Variants in ITGAX observed in about 807,000 individuals in gnomAD.
ITGAX encodes the protein integrin subunit alpha X.
In ITGAX, 99 loss-of-function variants were observed where a neutral mutation model predicts 140.2. That is an observed-to-expected ratio of 0.71 (90% CI 0.60 to 0.83). ITGAX has a LOEUF of 0.83. Among genes scored for constraint, ITGAX ranks in the 40% least tolerant of loss-of-function variants. The probability of loss-of-function intolerance (pLI) is 0.00; values close to 1 mark genes in which losing one functional copy is unlikely to be tolerated. For synonymous variants in ITGAX, 631 were observed against 600.4 expected (o/e 1.05, Z -0.75); for missense variants, 1,444 against 1,482.0 (o/e 0.97, Z 0.42).
At chr16:31,380,159 C>G in intron 26 of ITGAX, 94 bp downstream of exon 26, 3 of 1,521,232 alleles carry the variant, frequency 2.0e-6, no homozygotes, top group Non-Finnish European at 2.7e-6. Flanking sequence ...TGCTGAAGTA[C>G]CCTCTTGCAT....
In ITGAX at chr16:31,371,192, C is replaced by T. The variant is rs201655601; in HGVS notation, c.1819C>T (p.Arg607Trp). The change falls in exon 15 of 30, where the codon CGG (arginine) becomes TGG (tryptophan). Residue 607 changes from arginine (R) to tryptophan (W), a missense_variant. By Grantham distance (101) the Arg-to-Trp change is moderately radical (BLOSUM62 -3). Coordinates refer to ENST00000268296, the MANE Select transcript of ITGAX (RefSeq NM_000887.5). Reference sequence around the variant, plus strand: ...ACTGGTGGACCTGGCTGTGGGGGCCCGGGGCCAGGTGCTCCTGCTCAGGTG... The same window carrying T: ...ACTGGTGGACCTGGCTGTGGGGGCCTGGGGCCAGGTGCTCCTGCTCAGGTG... The part of the protein sequence containing the change: ...DGLVDLAVGA[R>W]GQVLLLRTRP... 1.6e-4 allele frequency: 265 copies of T among 1,610,212 alleles called. No individual in the cohort carries two copies. Among genetic ancestry groups the T allele is most frequent in the Non-Finnish European group, 1.8e-4 (215 of 1,178,300 alleles).
chr16:31,381,718 A>C, intron 29 of ITGAX, 85 bp from the exon 30 acceptor site: 1 of 802,920 alleles, frequency 1.2e-6, no homozygotes, highest in Non-Finnish European at 2.2e-6. Context: ...GATTTCAGAA[A>C]TAGTGACCCC....
chr16:31,363,054 T>C lies in ITGAX; in HGVS notation c.1479T>C (p.Ser493=), dbSNP rs2080852222. The C allele has an allele frequency of 6.3e-7, 1 of 1,578,318 alleles. No individual in the cohort carries two copies. The highest frequency in any genetic ancestry group is 8.6e-7 in the Non-Finnish European group (1 of 1,161,388). Residue 493 remains serine (S), a synonymous_variant, in exon 13 of 30, where the codon TCT becomes TCC. Coordinates refer to ENST00000268296, the MANE Select transcript of ITGAX (RefSeq NM_000887.5). ...AGCAGACCCGAGGGGGCCAGGTGTC[T>C]GTGTGTCCCTTGCCCAGGGGGGTGA... ...YYEQTRGGQV[S]VCPLPRGWRR...
Position 31,371,646 on chromosome 16 carries a change from T to C in ITGAX, c.2022T>C (p.Ser674=), listed in dbSNP as rs762928204. The change falls in exon 17 of 30, where the codon TCT becomes TCC. Residue 674 remains serine, a synonymous_variant. Coordinates refer to ENST00000268296, the MANE Select transcript of ITGAX (RefSeq NM_000887.5). ...CGCCTACAGGTGACCTCCAAAGCTC[T>C]GTGACCTTGGACCTGGCCCTCGACC... is the stretch of plus-strand genomic sequence containing the variant. ...NLLGSRDLQS[S]VTLDLALDPG... The C allele has an allele frequency of 6.2e-7, 1 of 1,614,146 alleles. No individual in the cohort carries two copies. The highest frequency in any genetic ancestry group is 2.2e-5 in the East Asian group (1 of 44,866).
Position 31,378,558 on chromosome 16 carries a change from C to T in ITGAX, c.2790-1010C>T, listed in dbSNP as rs1156545522. ...CACAGCTCACAGCAGCCTTGAACTC[C>T]TCTTGGGCTCAAGCGAGCCTCCCAC... On this transcript the variant is annotated intron_variant, in intron 23 of 29. Transcript: ENST00000268296. 2.6e-5 allele frequency among the ~76,000 whole-genome samples: 4 copies of T among 151,948 alleles called. No individual in the cohort carries two copies. In the South Asian group the frequency reaches 6.2e-4, roughly 24 times the overall value.
chr16:31,372,692 C>G, intron 19 of ITGAX, 22 bp downstream of exon 19: 2 of 1,602,814 alleles, frequency 1.2e-6, no homozygotes, highest in Non-Finnish European at 1.7e-6. Flanking sequence ...CACCTTAGAC[C>G]TGCCCTACTG....
intron 20 of ITGAX, among the ~76,000 whole-genome samples, chr16:31,374,994 T>C (rs1379475057): frequency 6.6e-6 from 1 of 152,168 alleles, no homozygotes; most frequent in Non-Finnish European, 1.5e-5. Context: ...TCCTTTCTTC[T>C]TTCTTTTTCT....
chr16:31,356,049 C>T (rs1253563492), intron 2 of ITGAX, 51 bp downstream of exon 2: 14 of 1,357,172 alleles, frequency 1.0e-5, no homozygotes, highest in Non-Finnish European at 1.5e-5. Flanking sequence ...TCTCCCTGCT[C>T]AGGGCCCCAT....
Position 31,377,193 on chromosome 16 carries a change from C to A in ITGAX, c.2717C>A (p.Thr906Asn), listed in dbSNP as rs1318382756. 1.9e-6 allele frequency: 3 copies of A among 1,613,990 alleles called. No individual in the cohort carries two copies. Among genetic ancestry groups the A allele is most frequent in the Non-Finnish European group, 2.5e-6 (3 of 1,180,004 alleles). ...TCCTCTTTCTCCAGTGAGAACAACACTCCCAGGACCAGCAAGACCACCTTC... is the reference window on the plus strand; with the variant it reads ...TCCTCTTTCTCCAGTGAGAACAACAATCCCAGGACCAGCAAGACCACCTTC... The part of the protein sequence containing the change: ...LTANVSSENN[T>N]PRTSKTTFQL... Residue 906 changes from threonine to asparagine, a missense_variant, in exon 23 of 30, where the codon ACT becomes AAT. Physicochemically the swap from Thr to Asn is moderately conservative, Grantham distance 65 (BLOSUM62 0). Coordinates refer to ENST00000268296, the MANE Select transcript of ITGAX (RefSeq NM_000887.5).
chr16:31,367,725 C>T (rs927329104), intron 14 of ITGAX, among the ~76,000 whole-genome samples: 7 of 152,156 alleles, frequency 4.6e-5, no homozygotes, highest in Non-Finnish European at 8.8e-5. Flanking sequence ...GTGTTGTTTC[C>T]ATGCCTGCAA....
intron 25 of ITGAX, 40 bp from the exon 26 acceptor site, chr16:31,379,942 T>C: frequency 2.5e-6 from 4 of 1,609,422 alleles, no homozygotes; most frequent in African/African-American, 1.3e-5. Context: ...GGGTCCCTGA[T>C]GTCCCAGCTG....
At chr16:31,363,879 G>A (rs1282373782) in intron 14 of ITGAX, among the ~76,000 whole-genome samples, 1 of 152,164 alleles carries the variant, frequency 6.6e-6, no homozygotes, top group East Asian at 1.9e-4. Flanking sequence ...AGGGCACTCC[G>A]GCCTCCTGAC....
intron 14 of ITGAX, among the ~76,000 whole-genome samples, chr16:31,365,406 T>C (rs572274518): frequency 1.3e-5 from 2 of 152,234 alleles, no homozygotes; most frequent in African/African-American, 4.8e-5. Flanking sequence ...AAGAAAAAAG[T>C]GCCAAGGAAG....
intron 14 of ITGAX, among the ~76,000 whole-genome samples, chr16:31,369,240 ACCCCC>A (rs1233396827): frequency 9.3e-6 from 1 of 107,938 alleles, no homozygotes; most frequent in South Asian, 3.2e-4. Context: ...CGGGGGGCTG[ACCCCC>A]CCACCTCCCT....
intron 14 of ITGAX, among the ~76,000 whole-genome samples, chr16:31,370,430 C>A (rs535486304): frequency 2.0e-5 from 3 of 152,066 alleles, no homozygotes; most frequent in East Asian, 3.9e-4. Flanking sequence ...CCTACCCCAC[C>A]GCGGCTTTTT....
chr16:31,372,093 C>T (rs1291646902), intron 17 of ITGAX, among the ~76,000 whole-genome samples: 2 of 151,574 alleles, frequency 1.3e-5, no homozygotes, highest in African/African-American at 4.9e-5. Context: ...TCGAGCTGCT[C>T]CTGGGAGACA....
rs778147667 is a variant in ITGAX at position 31,377,070 on chromosome 16, A to G, written c.2696A>G (p.Asn899Ser). 1.9e-5 allele frequency: 31 copies of G among 1,614,040 alleles called. No homozygotes were observed. The highest frequency in any genetic ancestry group is 2.7e-5 in the African/African-American group (2 of 74,928). ...GGAGACCGGCTGCTTCTGACAGCCA[A>G]TGTGAGCAGGTGAGCCGGGCCAGGC... The part of the protein sequence containing the change: ...VLGDRLLLTA[N>S]VSSENNTPRT... The change falls in exon 22 of 30, where the codon AAT becomes AGT. Residue 899 changes from asparagine (N) to serine (S), a missense_variant. Physicochemically the swap from Asn to Ser is conservative, Grantham distance 46. Coordinates refer to ENST00000268296, the MANE Select transcript of ITGAX (RefSeq NM_000887.5).
In ITGAX at chr16:31,363,352, GC is replaced by G; in HGVS notation, c.1689del (p.Ser563ArgfsTer26). 6.2e-7 allele frequency: 1 copy of G among 1,613,326 alleles called. No individual in the cohort carries two copies. Among genetic ancestry groups the G allele is most frequent in the South Asian group, 1.1e-5 (1 of 91,078 alleles). On this transcript the variant is annotated frameshift_variant, in exon 14 of 30. Transcript: ENST00000268296. LOFTEE classifies it high-confidence loss of function. ...VYLFHGVLGP[S>X]ISPSHSQRIA... ...CTGTTTCACGGAGTCTTGGGACCCA[GC>G]ATCAGCCCCTCCCACAGCCAGGTGA...
At position 31,361,825 on chromosome 16, in the gene ITGAX, C is replaced by T. The variant is rs1275850334; in HGVS notation, c.1013-11C>T. 6.2e-7 allele frequency: 1 copy of T among 1,613,908 alleles called. No homozygotes were observed. The highest frequency in any genetic ancestry group is 2.2e-5 in the East Asian group (1 of 44,864). ...CCCTCCCTGGCACTCAAGCGTCATGCCTTCCCCCAGGTACGGAGACCACAA... is the reference window on the plus strand; with the variant it reads ...CCCTCCCTGGCACTCAAGCGTCATGTCTTCCCCCAGGTACGGAGACCACAA... On this transcript the variant is annotated splice_polypyrimidine_tract_variant and intron_variant, in intron 9 of 29. Transcript: ENST00000268296.
Sources: gnomAD v4.1 joint callset for allele counts (sites outside exome capture counted in the v4.1 genomes callset) on GRCh38, gnomAD v4.1.1 for gene constraint, MANE v1.5 for transcripts, NCBI Gene and HGNC (gene_info 2026-07-23, HGNC 2026-07-21) for gene names.